KIAA0825: variants seen among roughly 807,000 people sequenced by gnomAD.
KIAA0825 encodes KIAA0825, also known as uncharacterized protein KIAA0825.
Under a neutral mutation model 147.6 loss-of-function variants are expected in KIAA0825, and 119 were observed. That is an observed-to-expected ratio of 0.81 (90% CI 0.69 to 0.94). KIAA0825 has a LOEUF of 0.94. Among genes scored for constraint, KIAA0825 ranks in the 40% least tolerant of loss-of-function variants. The pLI is 0.00. For missense variants in KIAA0825, 1,381 were observed against 1,472.7 expected, an observed-to-expected ratio of 0.94 and a Z score of 1.02; for synonymous variants, 470 against 518.1, an observed-to-expected ratio of 0.91 and a Z score of 1.26.
At chr5:94,504,623 T>C (rs1268073532) in intron 5 of KIAA0825, among the ~76,000 whole-genome samples, 2 of 152,136 alleles carry the variant, frequency 1.3e-5, no homozygotes, top group East Asian at 3.9e-4. Context: ...AAAAAGTATA[T>C]ATATGTTCTT....
intron 11 of KIAA0825, among the ~76,000 whole-genome samples, chr5:94,463,324 A>G (rs2150957891): frequency 6.6e-6 from 1 of 150,712 alleles, no homozygotes; most frequent in South Asian, 2.1e-4. Context: ...TTGAAGTGAT[A>G]AGAAAAATAC....
intron 1 of KIAA0825, among the ~76,000 whole-genome samples, chr5:94,612,539 A>C (rs563159986): frequency 1.3e-5 from 2 of 152,138 alleles, no homozygotes; most frequent in South Asian, 4.1e-4. Context: ...CATTCTTCAC[A>C]AGCAGTCTCC....
Position 94,391,667 on chromosome 5 carries a change from C to T in KIAA0825, c.3324G>A (p.Thr1108=), listed in dbSNP as rs769000684. 18 of 1,548,296 alleles carry T rather than the reference C, an allele frequency of 1.2e-5. No homozygotes were observed. The African/African-American group carries it at 1.5e-4, about 13-fold the overall frequency. The change falls in exon 18 of 21, where the codon ACG becomes ACA. Residue 1108 remains threonine, a synonymous_variant. Coordinates refer to ENST00000682413, the MANE Select transcript of KIAA0825 (RefSeq NM_001145678.3). ...GAGCAACATCTCCTTCTTGTAAGGCCGTGCTTTTCTCTATTGTCATAAATG... is the reference window on the plus strand; with the variant it reads ...GAGCAACATCTCCTTCTTGTAAGGCTGTGCTTTTCTCTATTGTCATAAATG... ...ECAFMTIEKS[T]ALQEGDVALE... is the part of the protein sequence containing the mutation.
At chr5:94,487,172 A>C (rs1763155635) in intron 5 of KIAA0825, among the ~76,000 whole-genome samples, 1 of 152,340 alleles carries the variant, frequency 6.6e-6, no homozygotes, top group Middle Eastern at 3.4e-3. Flanking sequence ...TTCCAGGAAT[A>C]CAACAATCGT....
chr5:94,458,720 A>G (rs529593767), intron 12 of KIAA0825, among the ~76,000 whole-genome samples: 5 of 152,142 alleles, frequency 3.3e-5, no homozygotes, highest in African/African-American at 1.2e-4. Flanking sequence ...CACTTTCTGG[A>G]AAATTTTGCA....
intron 1 of KIAA0825, among the ~76,000 whole-genome samples, chr5:94,592,399 T>G (rs1022638592): frequency 2.0e-5 from 3 of 152,226 alleles, no homozygotes; most frequent in African/African-American, 7.2e-5. Context: ...ACTTCTGCAG[T>G]GCATGCTGCT....
At chr5:94,559,939 TAAAG>T (rs1777259889) in intron 2 of KIAA0825, among the ~76,000 whole-genome samples, 1 of 152,164 alleles carries the variant, frequency 6.6e-6, no homozygotes, top group Admixed American at 6.5e-5. Flanking sequence ...CATGCATCCA[TAAAG>T]AATCTGCATT....
chr5:94,230,587 G>T (rs546153618), intron 20 of KIAA0825, among the ~76,000 whole-genome samples: 1 of 152,008 alleles, frequency 6.6e-6, no homozygotes, highest in Non-Finnish European at 1.5e-5. Context: ...TGTCTTCATG[G>T]GTTTATACTT....
At chr5:94,339,162 C>T (rs1052970956) in intron 20 of KIAA0825, among the ~76,000 whole-genome samples, 1 of 152,096 alleles carries the variant, frequency 6.6e-6, no homozygotes, top group Non-Finnish European at 1.5e-5. Context: ...CCATTTTCTT[C>T]TAAATGCACT....
rs1584586980 is a variant in KIAA0825, at chr5:94,468,603, G to A, written c.1872+1358C>T. Among the ~76,000 whole-genome samples the A allele has an allele frequency of 2.0e-5, 3 of 152,138 alleles. No homozygotes were observed. In the East Asian group the frequency reaches 5.8e-4, roughly 29 times the overall value. On this transcript the variant is annotated intron_variant, in intron 10 of 20. Transcript: ENST00000682413. ...CTCTTGCAAAAAGAAAAACTCTCTG[G>A]GAAGGGCCTCTAAAGGAGAGATGAA...
Position 94,462,566 on chromosome 5 carries a change from A to G in KIAA0825, c.2067T>C (p.Leu689=). ...PSRKRTPQLR[L]DVTTILICTE... is the part of the protein sequence containing the mutation. Reference sequence around the variant, plus strand: ...TGCATATCAAAATTGTTGTGACATCAAGTCTGTTGGAAAGAAAGAAAAGAA... The same window carrying G: ...TGCATATCAAAATTGTTGTGACATCGAGTCTGTTGGAAAGAAAGAAAAGAA... Residue 689 remains leucine (L), a synonymous_variant, in exon 12 of 21, where the codon CTT becomes CTC. Transcript: ENST00000682413. The G allele has an allele frequency of 2.0e-6, 3 of 1,492,828 alleles. No individual in the cohort carries two copies. The highest frequency in any genetic ancestry group is 2.7e-6 in the Non-Finnish European group (3 of 1,121,680). 92.5% of individuals were successfully genotyped at this position (1,492,828 alleles called of 1,614,324 possible).
chr5:94,449,593 T>C (rs1331150870), intron 13 of KIAA0825, among the ~76,000 whole-genome samples: 1 of 152,116 alleles, frequency 6.6e-6, no homozygotes, highest in Non-Finnish European at 1.5e-5. Context: ...AGAAGGATCA[T>C]TTGAAGACAT....
At chr5:94,210,665 C>T (rs1170823200) in intron 20 of KIAA0825, among the ~76,000 whole-genome samples, 1 of 152,068 alleles carries the variant, frequency 6.6e-6, no homozygotes, top group African/African-American at 2.4e-5. Context: ...AATGAGCTTG[C>T]TTTAAAAGAA....
chr5:94,573,986 T>C (rs1780483203), intron 2 of KIAA0825, among the ~76,000 whole-genome samples: 1 of 152,100 alleles, frequency 6.6e-6, no homozygotes, highest in Admixed American at 6.6e-5. Flanking sequence ...TCATAAATAT[T>C]ACAAGGCATT....
At chr5:94,283,761 C>T (rs896367675) in intron 20 of KIAA0825, among the ~76,000 whole-genome samples, 25 of 152,112 alleles carry the variant, frequency 1.6e-4, no homozygotes, top group African/African-American at 5.5e-4. Flanking sequence ...AAAAAATAAC[C>T]TCATGTATAG....
chr5:94,596,371 G>T (rs1785315783), intron 1 of KIAA0825, among the ~76,000 whole-genome samples: 1 of 152,090 alleles, frequency 6.6e-6, no homozygotes, highest in Admixed American at 6.5e-5. Flanking sequence ...TGTCAACTTT[G>T]ACAAAGATCA....
chr5:94,371,556 G>C (rs950641818), intron 20 of KIAA0825, among the ~76,000 whole-genome samples: 4 of 152,064 alleles, frequency 2.6e-5, no homozygotes, highest in African/African-American at 7.3e-5. Context: ...AGCGAGGGGG[G>C]AAGCCCCTTA....
intron 2 of KIAA0825, among the ~76,000 whole-genome samples, chr5:94,559,943 G>C (rs1034019759): frequency 3.3e-5 from 5 of 152,164 alleles, no homozygotes; most frequent in African/African-American, 1.2e-4. Context: ...CATCCATAAA[G>C]AATCTGCATT....
At chr5:94,281,198 A>AACACACACACACACACACAC (rs34358354) in intron 20 of KIAA0825, among the ~76,000 whole-genome samples, 2 of 145,024 alleles carry the variant, frequency 1.4e-5, no homozygotes, top group Non-Finnish European at 3.0e-5. Context: ...TAAGTGATTT[A>AACACACACACACACACACAC]ACACACACAC....
Sources: gnomAD v4.1 joint callset for allele counts (sites outside exome capture counted in the v4.1 genomes callset) on GRCh38, gnomAD v4.1.1 for gene constraint, MANE v1.5 for transcripts, NCBI Gene and HGNC (gene_info 2026-07-23, HGNC 2026-07-21) for gene names.